DGKB: variants seen among roughly 807,000 people sequenced by gnomAD.
The protein encoded by DGKB is diacylglycerol kinase beta.
A neutral mutation model predicts 114.3 loss-of-function variants in DGKB; 67 were observed. The observed-to-expected ratio is 0.59, with a 90% confidence interval of 0.48 to 0.72. The LOEUF is 0.72. Among genes scored for constraint, DGKB ranks in the 30% least tolerant of loss-of-function variants. The pLI, the probability that DGKB is intolerant of heterozygous loss-of-function variation, is 0.00. For synonymous variants in DGKB, 398 were observed against 323.1 expected (o/e 1.23, Z -2.49); for missense variants, 907 against 975.2 (o/e 0.93, Z 0.93).
chr7:14,569,244 C>T lies in DGKB; in HGVS notation c.1770+4968G>A, dbSNP rs527609229. On this transcript the variant is annotated intron_variant, in intron 20 of 25. Transcript: ENST00000402815. The stretch of plus-strand genomic sequence containing the variant: ...AGGGAGGAATGCCTCCTCTCTTTAT[C>T]CCCCTAATCCCCATATTATGCTCAG... Among the ~76,000 whole-genome samples, 3 of 152,166 alleles carry T rather than the reference C, an allele frequency of 2.0e-5. No homozygotes were observed. In the East Asian group the frequency reaches 5.8e-4, roughly 29 times the overall value.
chr7:14,615,179 T>G (rs866455052), intron 15 of DGKB, among the ~76,000 whole-genome samples: 2 of 152,142 alleles, frequency 1.3e-5, no homozygotes, highest in Middle Eastern at 6.8e-3. Flanking sequence ...GGTTTTTAAG[T>G]AGAAATGGGA....
At chr7:14,377,858 G>T (rs534774070) in intron 21 of DGKB, among the ~76,000 whole-genome samples, 3 of 152,128 alleles carry the variant, frequency 2.0e-5, no homozygotes, top group Admixed American at 2.0e-4. Context: ...CTTCACAGCC[G>T]TGGTTTGGGA....
intron 12 of DGKB, among the ~76,000 whole-genome samples, chr7:14,677,913 T>G (rs1047807362): frequency 6.6e-6 from 1 of 152,030 alleles, no homozygotes; most frequent in Non-Finnish European, 1.5e-5. Flanking sequence ...AACAGAAAAT[T>G]TCATTCTAAG....
chr7:14,433,990 A>C (rs1034935438), intron 21 of DGKB, among the ~76,000 whole-genome samples: 1 of 152,118 alleles, frequency 6.6e-6, no homozygotes, highest in African/African-American at 2.4e-5. Context: ...TAGGTGTGAA[A>C]ATTTCCACTT....
At chr7:14,899,518 G>C (rs1189074501) in intron 1 of DGKB, among the ~76,000 whole-genome samples, 1 of 151,978 alleles carries the variant, frequency 6.6e-6, no homozygotes, top group Admixed American at 6.6e-5. Flanking sequence ...ACATATTTTT[G>C]GACCAGCCTT....
At chr7:14,706,002 T>A (rs1230063619) in intron 6 of DGKB, among the ~76,000 whole-genome samples, 2 of 151,616 alleles carry the variant, frequency 1.3e-5, no homozygotes, top group Admixed American at 6.6e-5. Context: ...AATGCTCCAA[T>A]TAAAAGACAC....
intron 25 of DGKB, among the ~76,000 whole-genome samples, chr7:14,172,980 C>A (rs527450093): frequency 5.9e-5 from 9 of 152,220 alleles, no homozygotes; most frequent in Non-Finnish European, 1.2e-4. Context: ...ACTCTGGAGT[C>A]TGGCCTAAAG....
intron 2 of DGKB, among the ~76,000 whole-genome samples, chr7:14,765,821 G>A (rs2128461887): frequency 6.6e-6 from 1 of 151,982 alleles, no homozygotes; most frequent in East Asian, 1.9e-4. Context: ...GATACTATTA[G>A]GGACAGAATT....
intron 21 of DGKB, among the ~76,000 whole-genome samples, chr7:14,441,223 T>C (rs1830047842): frequency 6.6e-6 from 1 of 152,062 alleles, no homozygotes; most frequent in African/African-American, 2.4e-5. Context: ...TTGGCTAGGC[T>C]GGTCTTGAAC....
intron 20 of DGKB, among the ~76,000 whole-genome samples, chr7:14,535,022 A>T (rs1792197786): frequency 6.6e-6 from 1 of 152,160 alleles, no homozygotes; most frequent in African/African-American, 2.4e-5. Flanking sequence ...AGCTTATGGG[A>T]TACAGCAAAA....
rs577265096 is a variant in DGKB at position 14,609,036 on chromosome 7, G to A, written c.1359-1528C>T. Among the ~76,000 whole-genome samples the A allele has an allele frequency of 5.9e-5, 9 of 152,030 alleles. No individual in the cohort carries two copies. The South Asian group carries it at 6.2e-4, about 11-fold the overall frequency. On this transcript the variant is annotated intron_variant, in intron 16 of 25. Transcript: ENST00000402815. ...CTATTTCTATGAAACTACCAATGTC[G>A]TTCTTCAAAGACTTAGAAGAAAACT...
intron 2 of DGKB, among the ~76,000 whole-genome samples, chr7:14,818,745 G>T (rs1844505447): frequency 6.6e-6 from 1 of 152,166 alleles, no homozygotes; most frequent in South Asian, 2.1e-4. Context: ...GTGAGGAGAA[G>T]GGAATGAGGA....
chr7:14,256,211 A>T (rs1390940204), intron 23 of DGKB, among the ~76,000 whole-genome samples: 4 of 152,160 alleles, frequency 2.6e-5, no homozygotes, highest in Middle Eastern at 3.4e-3. Context: ...CATACTCTGC[A>T]TTACTGCCAT....
chr7:14,893,949 A>G (rs1191919603), intron 1 of DGKB, among the ~76,000 whole-genome samples: 3 of 151,230 alleles, frequency 2.0e-5, no homozygotes, highest in African/African-American at 4.8e-5. Flanking sequence ...GGTTCTGTTC[A>G]TAAGTTTTTT....
intron 23 of DGKB, among the ~76,000 whole-genome samples, chr7:14,241,943 TAC>T (rs1182055191): frequency 1.4e-5 from 1 of 73,280 alleles, no homozygotes; most frequent in Non-Finnish European, 3.3e-5. Flanking sequence ...TATAGATATA[TAC>T]ACACACACAT....
intron 25 of DGKB, among the ~76,000 whole-genome samples, 181 bp from the exon 26 acceptor site, chr7:14,149,419 G>A (rs1017571561): frequency 6.6e-6 from 1 of 152,034 alleles, no homozygotes; most frequent in Admixed American, 6.6e-5. Context: ...GGGAGATAGG[G>A]ATATGTACTT....
intron 1 of DGKB, among the ~76,000 whole-genome samples, chr7:14,880,979 GAATA>G (rs1160812119): frequency 5.9e-5 from 9 of 152,002 alleles, no homozygotes; most frequent in African/African-American, 2.2e-4. Context: ...CTATTTTATT[GAATA>G]AATAAATAAC....
intron 1 of DGKB, among the ~76,000 whole-genome samples, chr7:14,899,113 A>G (rs951035063): frequency 1.3e-5 from 2 of 152,178 alleles, no homozygotes; most frequent in African/African-American, 4.8e-5. Context: ...GACAAGTGAC[A>G]GTAATCATGT....
chr7:14,663,735 T>A (rs2128929549), intron 13 of DGKB, among the ~76,000 whole-genome samples: 1 of 142,930 alleles, frequency 7.0e-6, no homozygotes, highest in South Asian at 2.5e-4. Context: ...CCTCCCTTCC[T>A]TTCTCTCTCT....
Sources: allele counts gnomAD v4.1 joint callset (sites outside exome capture counted in the v4.1 genomes callset), GRCh38; gene constraint gnomAD v4.1.1; transcripts MANE v1.5; gene names NCBI Gene and HGNC (gene_info 2026-07-23, HGNC 2026-07-21).